The following SCML4 variants were observed in gnomAD, a reference collection of about 807,000 sequenced individuals.
The protein encoded by SCML4 is sex comb on midleg-like protein 4.
SCML4 carries 34 observed loss-of-function variants against 41.1 expected under a neutral mutation model. The observed-to-expected ratio is 0.83, with a 90% CI of 0.63 to 1.10. The LOEUF is 1.10. SCML4 is among the 50% of genes least tolerant of loss of function. The pLI is 0.00. For synonymous variants in SCML4, 214 were observed against 220.9 expected (o/e 0.97, Z 0.28); for missense variants, 522 against 534.1 (o/e 0.98, Z 0.22).
chr6:107,776,783 G>A (rs960372322), intron 1 of SCML4, among the ~76,000 whole-genome samples: 1 of 152,184 alleles, frequency 6.6e-6, no homozygotes, highest in Non-Finnish European at 1.5e-5. Context: ...GATATTCTTT[G>A]CAGCATTCTT....
At chr6:107,763,628 C>A (rs1779796898) in intron 2 of SCML4, among the ~76,000 whole-genome samples, 1 of 152,158 alleles carries the variant, frequency 6.6e-6, no homozygotes, top group Non-Finnish European at 1.5e-5. Flanking sequence ...CTCAAGTGAT[C>A]TGCCTGCCTC....
intron 1 of SCML4, among the ~76,000 whole-genome samples, chr6:107,796,132 G>A (rs1331686484): frequency 2.6e-5 from 4 of 152,098 alleles, no homozygotes; most frequent in African/African-American, 9.6e-5. Flanking sequence ...ATATCTGCCA[G>A]AAACATTTCT....
chr6:107,801,692 C>T (rs369769671), intron 1 of SCML4, among the ~76,000 whole-genome samples: 1 of 152,110 alleles, frequency 6.6e-6, no homozygotes, highest in Non-Finnish European at 1.5e-5. Context: ...GCTGACAGGG[C>T]GTATGACTGA....
At chr6:107,757,117 G>A (rs1320985285) in intron 2 of SCML4, among the ~76,000 whole-genome samples, 1 of 152,226 alleles carries the variant, frequency 6.6e-6, no homozygotes, top group Admixed American at 6.5e-5. Flanking sequence ...CACCAGGGGG[G>A]CTGGGGAATC....
At chr6:107,802,458 C>T (rs954963819) in intron 1 of SCML4, among the ~76,000 whole-genome samples, 2 of 151,750 alleles carry the variant, frequency 1.3e-5, no homozygotes, top group Admixed American at 6.6e-5. Context: ...GTCAGGAGCC[C>T]AGGGTATTGG....
the SCML4 span, among the ~76,000 whole-genome samples, chr6:107,836,241 T>C: frequency 6.6e-6 from 1 of 152,160 alleles, no homozygotes; most frequent in Admixed American, 6.6e-5. Context: ...AGAGTTCTAT[T>C]GAGTTCTCAT....
At chr6:107,790,941 A>G (rs533466673) in intron 1 of SCML4, among the ~76,000 whole-genome samples, 1 of 152,156 alleles carries the variant, frequency 6.6e-6, no homozygotes, top group Admixed American at 6.5e-5. Context: ...ATGGTGGTGC[A>G]TGCCTGTAGT....
intron 1 of SCML4, among the ~76,000 whole-genome samples, chr6:107,780,025 C>T (rs1196982979): frequency 6.6e-6 from 1 of 152,172 alleles, no homozygotes; most frequent in East Asian, 1.9e-4. Flanking sequence ...GGCCGTGTTT[C>T]ACATGTCACT....
chr6:107,791,578 G>A (rs1289656818), intron 1 of SCML4, among the ~76,000 whole-genome samples: 3 of 152,234 alleles, frequency 2.0e-5, no homozygotes, highest in Admixed American at 1.3e-4. Flanking sequence ...TATTAAACAA[G>A]CTAGTAACAC....
chr6:107,804,613 C>G (rs1261469125), intron 1 of SCML4, among the ~76,000 whole-genome samples: 1 of 115,516 alleles, frequency 8.7e-6, no homozygotes, highest in Non-Finnish European at 1.9e-5. Context: ...TATGGCTTAG[C>G]TCTCCAAACA....
chr6:107,766,474 C>G (rs1007817294), intron 2 of SCML4, among the ~76,000 whole-genome samples: 5 of 152,044 alleles, frequency 3.3e-5, no homozygotes, highest in African/African-American at 7.3e-5. Context: ...AAACCCTGTC[C>G]AGATAAAAAA....
chr6:107,773,115 G>A (rs189515989), intron 1 of SCML4, among the ~76,000 whole-genome samples: 6 of 152,184 alleles, frequency 3.9e-5, no homozygotes, highest in East Asian at 1.9e-4. Context: ...AAAAAGCATC[G>A]CACATTAAAA....
intron 1 of SCML4, among the ~76,000 whole-genome samples, chr6:107,789,990 A>G (rs1489892190): frequency 6.6e-6 from 1 of 152,240 alleles, no homozygotes; most frequent in East Asian, 1.9e-4. Context: ...GAGTCTGTCA[A>G]ATCTATACAG....
At chr6:107,814,853 G>A (rs971654246) in intron 1 of SCML4, among the ~76,000 whole-genome samples, 5 of 152,064 alleles carry the variant, frequency 3.3e-5, no homozygotes, top group East Asian at 1.9e-4. Flanking sequence ...GTGCCAGGCC[G>A]TACAAAGGTG....
At chr6:107,724,728 T>C (rs1295054387) in intron 5 of SCML4, among the ~76,000 whole-genome samples, 2 of 152,188 alleles carry the variant, frequency 1.3e-5, no homozygotes, top group Non-Finnish European at 2.9e-5. Context: ...TTCAGCACAA[T>C]CCCTGTCAGA....
chr6:107,764,508 G>A (rs1167017656), intron 2 of SCML4, among the ~76,000 whole-genome samples: 1 of 152,122 alleles, frequency 6.6e-6, no homozygotes, highest in Admixed American at 6.5e-5. Context: ...TCAGATGCTG[G>A]TCTGTATCCA....
chr6:107,744,999 C>G lies in SCML4; in HGVS notation c.632G>C (p.Cys211Ser). 1 of 1,613,802 alleles carries G rather than the reference C, an allele frequency of 6.2e-7. No individual in the cohort carries two copies. The change falls in exon 5 of 8, where the codon TGC becomes TCC. Residue 211 changes from cysteine (C) to serine (S), a missense_variant. Cys to Ser is a moderately radical substitution (Grantham distance 112, BLOSUM62 -1). Coordinates refer to ENST00000369020, the MANE Select transcript of SCML4 (RefSeq NM_198081.5). ...LFSHQPFPRG[C>S]SASEKVQEKE... ...CTCCTGGACTTTCTCAGAGGCACTG[C>G]AGCCCCTGGGGAAGGGCTGGTGGCT...
intron 6 of SCML4, chr6:107,720,103 C>A (rs77474004): frequency 0.024 from 23,728 of 985,236 alleles, 338 homozygotes; most frequent in East Asian, 0.05. Context: ...GAAGGTGACA[C>A]TTCCTATGCA....
chr6:107,799,907 T>C (rs1330486801), intron 1 of SCML4, among the ~76,000 whole-genome samples: 1 of 152,124 alleles, frequency 6.6e-6, no homozygotes, highest in East Asian at 1.9e-4. Flanking sequence ...TTTAAAATAG[T>C]TGTTTTAAAG....
Sources: allele counts gnomAD v4.1 joint callset (sites outside exome capture counted in the v4.1 genomes callset), GRCh38; gene constraint gnomAD v4.1.1; transcripts MANE v1.5; gene names NCBI Gene and HGNC (gene_info 2026-07-23, HGNC 2026-07-21).